FANCA: variants seen among roughly 807,000 people sequenced by gnomAD.
The protein encoded by FANCA is FA complementation group A.
A neutral mutation model predicts 194.3 loss-of-function variants in FANCA; 236 were observed. The observed-to-expected ratio is 1.21, with a 90% CI of 1.09 to 1.35. The LOEUF (loss-of-function observed/expected upper bound fraction) is 1.35. Among genes scored for constraint, FANCA ranks in the 40% most tolerant of loss-of-function variants. The pLI is 0.00. For missense variants in FANCA, 2,628 were observed against 1,813.9 expected, an observed-to-expected ratio of 1.45 and a Z score of -8.15; for synonymous variants, 1,014 against 715.8, an observed-to-expected ratio of 1.42 and a Z score of -6.65.
Position 89,748,680 on chromosome 16 carries a change from G to A in FANCA, c.3327C>T (p.Phe1109=). 6.2e-7 allele frequency: 1 copy of A among 1,614,060 alleles called. No homozygotes were observed. The highest frequency in any genetic ancestry group is 8.5e-7 in the Non-Finnish European group (1 of 1,179,962). The change falls in exon 33 of 43, where the codon TTC becomes TTT. Residue 1109 remains phenylalanine (F), a synonymous_variant. Transcript: ENST00000389301. ...QPITARCEQF[F]HLVNSEMRNF... ...CTACCATCTCAGAGTTGACCAAGTGGAAGAACTGCTCGCATCTGGCAGTGA... is the reference window on the plus strand; with the variant it reads ...CTACCATCTCAGAGTTGACCAAGTGAAAGAACTGCTCGCATCTGGCAGTGA...
chr16:89,738,975 C>A lies in FANCA; in HGVS notation c.4168-1G>T. On this transcript the variant is annotated splice_acceptor_variant, in intron 41 of 42. Coordinates refer to ENST00000389301, the MANE Select transcript of FANCA (RefSeq NM_000135.4). LOFTEE classifies it high-confidence loss of function. ...TTGTTATCAGTTCCACGGGGTTGCC[C>A]TAGAGAGAAAACAGGCAAACTCACA... 6.2e-7 allele frequency: 1 copy of A among 1,614,146 alleles called. No individual in the cohort carries two copies. The highest frequency in any genetic ancestry group is 1.1e-5 in the South Asian group (1 of 91,068).
chr16:89,774,761 C>T (rs950311499), intron 21 of FANCA, among the ~76,000 whole-genome samples: 4 of 66,196 alleles, frequency 6.0e-5, no homozygotes, highest in African/African-American at 1.2e-4. Flanking sequence ...AAAATCTCAA[C>T]GAGCCTCCCT....
chr16:89,758,747 G>C (rs750764606), intron 29 of FANCA, 42 bp from the exon 30 acceptor site: 7 of 1,608,616 alleles, frequency 4.4e-6, no homozygotes, highest in South Asian at 1.1e-5. Context: ...GAAATGCTTC[G>C]TGGCCAGCGG....
intron 42 of FANCA, 73 bp downstream of exon 42, chr16:89,738,809 G>C: frequency 1.2e-6 from 2 of 1,613,818 alleles, no homozygotes; most frequent in Non-Finnish European, 1.7e-6. Context: ...TGCCAGCCAG[G>C]CAGGCACATG....
At chr16:89,778,716 A>G (rs886461703) in intron 20 of FANCA, 85 bp downstream of exon 20, 2 of 1,350,096 alleles carry the variant, frequency 1.5e-6, no homozygotes, top group Non-Finnish European at 2.1e-6. Context: ...TGGTCTAACA[A>G]ATTTCTCTAC....
chr16:89,743,013 C>A lies in FANCA; in HGVS notation c.3627-75G>T, dbSNP rs552536810. ...ACGCCATAGAAACCAAGTCCTTATT[C>A]CCACCTGTCACCTTTGGGGCCTGCC... On this transcript the variant is annotated intron_variant, in intron 36 of 42. Transcript: ENST00000389301. The A allele has an allele frequency of 3.0e-5, 46 of 1,548,372 alleles. No homozygotes were observed. In the South Asian group the frequency reaches 5.0e-4, roughly 17 times the overall value.
At chr16:89,805,185 G>A in intron 7 of FANCA, 95 bp downstream of exon 7, 3 of 938,696 alleles carry the variant, frequency 3.2e-6, no homozygotes, top group Middle Eastern at 2.2e-4. Context: ...CGGAGAGACA[G>A]GCTGTTCTGC....
intron 36 of FANCA, chr16:89,744,665 GT>G (rs56850260): frequency 6.6e-3 from 2,412 of 362,774 alleles, no homozygotes; most frequent in Middle Eastern, 0.011. Flanking sequence ...GGCAGAGGCT[GT>G]TTTTTTTTTT....
intron 6 of FANCA, among the ~76,000 whole-genome samples, chr16:89,806,258 C>T (rs183579565): frequency 6.6e-6 from 1 of 151,974 alleles, no homozygotes. Context: ...TCCATTTGGA[C>T]TTACGAATAC....
At chr16:89,763,355 C>T (rs2039017012) in intron 28 of FANCA, among the ~76,000 whole-genome samples, 1 of 152,060 alleles carries the variant, frequency 6.6e-6, no homozygotes. Flanking sequence ...GCAGAAGGAT[C>T]ACTTTTTCCT....
intron 7 of FANCA, 27 bp from the exon 8 acceptor site, chr16:89,803,368 T>C (rs1390565806): frequency 6.3e-7 from 1 of 1,596,894 alleles, no homozygotes; most frequent in Non-Finnish European, 8.6e-7. Flanking sequence ...CCAAAGTTAT[T>C]TATGGACATC....
At chr16:89,780,036 C>A (rs2039647743) in intron 17 of FANCA, 79 bp from the exon 18 acceptor site, 9 of 1,259,496 alleles carry the variant, frequency 7.1e-6, no homozygotes, top group Non-Finnish European at 9.3e-6. Context: ...CCACACTCAA[C>A]CTGTGCTTCC....
chr16:89,774,533 A>G (rs2039429336), intron 21 of FANCA, among the ~76,000 whole-genome samples: 1 of 151,274 alleles, frequency 6.6e-6, no homozygotes, highest in African/African-American at 2.4e-5. Flanking sequence ...GATTGAGACC[A>G]TTCTGGCTAA....
chr16:89,737,719 A>G lies in FANCA; in HGVS notation c.*882T>C. 1.3e-6 allele frequency: 2 copies of G among 1,598,250 alleles called. No individual in the cohort carries two copies. Among genetic ancestry groups the G allele is most frequent in the Admixed American group, 1.7e-5 (1 of 59,340 alleles). ...GAACCATGTGCAGAAATGTCTTCCCAGCTGTGATGGTTTCACATTGTCATC... is the reference window on the plus strand; with the variant it reads ...GAACCATGTGCAGAAATGTCTTCCCGGCTGTGATGGTTTCACATTGTCATC... On this transcript the variant is annotated 3_prime_UTR_variant, in exon 43 of 43. Transcript: ENST00000389301.
Position 89,809,719 on chromosome 16 carries a change from G to A in FANCA, c.522+988C>T, listed in dbSNP as rs557936799. Reference sequence around the variant, plus strand: ...ACAAAAAAAATTAGCCAGGCATGGTGGCGCATGCCTGTAATCCCAGCTACT... The same window carrying A: ...ACAAAAAAAATTAGCCAGGCATGGTAGCGCATGCCTGTAATCCCAGCTACT... On this transcript the variant is annotated intron_variant, in intron 5 of 42. Coordinates refer to ENST00000389301, the MANE Select transcript of FANCA (RefSeq NM_000135.4). Among the ~76,000 whole-genome samples the A allele has an allele frequency of 2.6e-5, 4 of 152,206 alleles. No homozygotes were observed. The East Asian group carries it at 7.8e-4, about 30-fold the overall frequency.
chr16:89,753,521 A>G (rs146913667), intron 30 of FANCA, among the ~76,000 whole-genome samples: 3 of 152,264 alleles, frequency 2.0e-5, no homozygotes, highest in Non-Finnish European at 4.4e-5. Flanking sequence ...AAAAGCAAAA[A>G]CCGTAAGATT....
intron 5 of FANCA, 45 bp from the exon 6 acceptor site, chr16:89,808,412 C>G: frequency 6.3e-7 from 1 of 1,586,900 alleles, no homozygotes; most frequent in South Asian, 1.1e-5. Flanking sequence ...CAAAAAAACC[C>G]CCAGCATTCT....
Position 89,739,274 on chromosome 16 carries a change from G to T in FANCA, c.4026C>A (p.Phe1342Leu), listed in dbSNP as rs775186188. 2.5e-6 allele frequency: 4 copies of T among 1,614,072 alleles called. No individual in the cohort carries two copies. The highest frequency in any genetic ancestry group is 2.2e-5 in the East Asian group (1 of 44,908). ...PFAFYSLLSY[F>L]HEDAAIREEA... is the part of the protein sequence containing the mutation. ...CTTCCCTGATGGCCGCGTCTTCATG[G>T]AAGTAGGAGAGAAGACTAGAGGTAA... is the stretch of plus-strand genomic sequence containing the variant. Residue 1342 changes from phenylalanine (F) to leucine (L), a missense_variant, in exon 41 of 43, where the codon TTC becomes TTA. Transcript: ENST00000389301.
At chr16:89,763,671 G>GC (rs1336149294) in intron 28 of FANCA, among the ~76,000 whole-genome samples, 1 of 152,096 alleles carries the variant, frequency 6.6e-6, no homozygotes, top group African/African-American at 2.4e-5. Context: ...GAGCGCAGTG[G>GC]CTCACACCTG....
Sources: allele counts gnomAD v4.1 joint callset (sites outside exome capture counted in the v4.1 genomes callset), GRCh38; gene constraint gnomAD v4.1.1; transcripts MANE v1.5; gene names NCBI Gene and HGNC (gene_info 2026-07-23, HGNC 2026-07-21).